HAO1: variants seen among roughly 807,000 people sequenced by gnomAD.
HAO1 encodes the protein hydroxyacid oxidase 1.
Under a neutral mutation model 39.7 loss-of-function variants are expected in HAO1, and 34 were observed. The observed-to-expected ratio is 0.86, with a 90% CI of 0.65 to 1.14. HAO1 has a LOEUF of 1.14. Ranked by LOEUF, HAO1 falls within the 50% of genes most tolerant of loss-of-function variation. The pLI is 0.00. For missense variants in HAO1, 479 were observed against 464.5 expected (o/e 1.03, Z -0.29); for synonymous variants, 172 against 173.2 (o/e 0.99, Z 0.05).
chr20:7,903,369 G>A (rs1024442721), intron 4 of HAO1, among the ~76,000 whole-genome samples: 5 of 151,552 alleles, frequency 3.3e-5, no homozygotes, highest in African/African-American at 1.2e-4. Context: ...AAATATTTGG[G>A]CTATCTACTA....
intron 2 of HAO1, among the ~76,000 whole-genome samples, chr20:7,926,258 T>G (rs2050358859): frequency 6.6e-6 from 1 of 152,186 alleles, no homozygotes; most frequent in African/African-American, 2.4e-5. Flanking sequence ...GAATGAGAAT[T>G]ACTTCACAGG....
intron 3 of HAO1, among the ~76,000 whole-genome samples, chr20:7,911,145 A>T (rs2050277621): frequency 6.6e-6 from 1 of 152,214 alleles, no homozygotes; most frequent in Non-Finnish European, 1.5e-5. Context: ...TGTGAGTGCT[A>T]CGCAGTGAGG....
intron 5 of HAO1, among the ~76,000 whole-genome samples, chr20:7,893,486 T>G (rs2122754541): frequency 6.6e-6 from 1 of 152,288 alleles, no homozygotes; most frequent in Middle Eastern, 3.4e-3. Flanking sequence ...TACAAGATTC[T>G]GAACCTCCCC....
chr20:7,910,317 G>A (rs1250440683), intron 3 of HAO1, among the ~76,000 whole-genome samples: 9 of 152,160 alleles, frequency 5.9e-5, no homozygotes, highest in Admixed American at 4.6e-4. Flanking sequence ...ACCAGCGTTG[G>A]CAAAATTGAG....
intron 2 of HAO1, among the ~76,000 whole-genome samples, chr20:7,924,274 C>T (rs1287589687): frequency 6.6e-6 from 1 of 151,806 alleles, no homozygotes; most frequent in Non-Finnish European, 1.5e-5. Context: ...CTTCCTAGAT[C>T]TCAGATCAGA....
chr20:7,925,711 G>A (rs752837176), intron 2 of HAO1, among the ~76,000 whole-genome samples: 2 of 152,124 alleles, frequency 1.3e-5, no homozygotes, highest in African/African-American at 2.4e-5. Flanking sequence ...ACACATGTGA[G>A]CCTCTGACTT....
intron 5 of HAO1, among the ~76,000 whole-genome samples, chr20:7,887,769 C>A (rs1315330105): frequency 6.6e-6 from 1 of 152,062 alleles, no homozygotes; most frequent in Non-Finnish European, 1.5e-5. Flanking sequence ...CAACCCTGGC[C>A]TAAAAGTAAA....
At chr20:7,884,917 C>G (rs1236294059) in intron 7 of HAO1, among the ~76,000 whole-genome samples, 2 of 152,106 alleles carry the variant, frequency 1.3e-5, no homozygotes, top group Non-Finnish European at 2.9e-5. Context: ...CGTGCCCACC[C>G]ACAATGTCCA....
intron 3 of HAO1, among the ~76,000 whole-genome samples, chr20:7,908,557 G>T (rs1055636079): frequency 6.6e-6 from 1 of 152,000 alleles, no homozygotes; most frequent in African/African-American, 2.4e-5. Context: ...GGCATATATT[G>T]TCATAAAGAT....
intron 5 of HAO1, among the ~76,000 whole-genome samples, chr20:7,891,396 G>GT (rs1049076733): frequency 1.2e-4 from 18 of 151,670 alleles, no homozygotes; most frequent in Middle Eastern, 3.4e-3. Context: ...CAGATTGTTT[G>GT]TTTTTTTTCT....
At chr20:7,917,273 G>A (rs771789755) in intron 2 of HAO1, among the ~76,000 whole-genome samples, 1 of 149,728 alleles carries the variant, frequency 6.7e-6, no homozygotes, top group Non-Finnish European at 1.5e-5. Context: ...CCAGGAGGCG[G>A]AGATTGCAGT....
At position 7,885,536 on chromosome 20, in the gene HAO1, C is replaced by T. The variant is rs1263033898; in HGVS notation, c.1027G>A (p.Ala343Thr). The T allele has an allele frequency of 6.2e-7, 1 of 1,610,184 alleles. No individual in the cohort carries two copies. The highest frequency in any genetic ancestry group is 1.3e-5 in the African/African-American group (1 of 74,864). ...LEILKEEFRLAMALSGCQNVK... is the reference protein window; with the variant it reads ...LEILKEEFRLTMALSGCQNVK... ...TGAGTCTTACCACTCAGAGCCATGG[C>T]CAACCGGAATTCTTCCTTTAGTATC... The change falls in exon 7 of 8, where the codon GCC (alanine) becomes ACC (threonine). Residue 343 changes from alanine (A) to threonine (T), a missense_variant. Physicochemically the swap from Ala to Thr is moderately conservative, Grantham distance 58. Transcript: ENST00000378789.
intron 4 of HAO1, among the ~76,000 whole-genome samples, chr20:7,904,903 T>A (rs575853220): frequency 6.6e-6 from 1 of 152,250 alleles, no homozygotes; most frequent in Non-Finnish European, 1.5e-5. Context: ...GATAACAACA[T>A]GGATGCAAGT....
At position 7,934,547 on chromosome 20, in the gene HAO1, A is replaced by G; in HGVS notation, c.226T>C (p.Cys76Arg). 1.2e-6 allele frequency: 2 copies of G among 1,613,568 alleles called. No individual in the cohort carries two copies. Among genetic ancestry groups the G allele is most frequent in the Non-Finnish European group, 8.5e-7 (1 of 1,179,552 alleles). The change falls in exon 2 of 8, where the codon TGT (cysteine) becomes CGT (arginine). Residue 76 changes from cysteine (C) to arginine (R), a missense_variant. Transcript: ENST00000378789. Reference protein sequence around the residue: ...VLGQRVSMPICVGATAMQRMA... With the variant: ...VLGQRVSMPIRVGATAMQRMA... Reference sequence around the variant, plus strand: ...CGCTGCATGGCCGTAGCCCCCACACATATTGGCATGCTGACCCTCTGTCCT... The same window carrying G: ...CGCTGCATGGCCGTAGCCCCCACACGTATTGGCATGCTGACCCTCTGTCCT...
rs895907298 is a variant in HAO1, at chr20:7,914,413, T to G, written c.296A>C (p.Gln99Pro). 1 of 1,613,096 alleles carries G rather than the reference T, an allele frequency of 6.2e-7. No individual in the cohort carries two copies. The highest frequency in any genetic ancestry group is 1.7e-5 in the Admixed American group (1 of 60,000). The change falls in exon 3 of 8, where the codon CAG becomes CCG. Residue 99 changes from glutamine (Q) to proline (P), a missense_variant. Physicochemically the swap from Gln to Pro is moderately conservative, Grantham distance 76. Coordinates refer to ENST00000378789, the MANE Select transcript of HAO1 (RefSeq NM_017545.3). ...CAACATCATGCCCGTTCCCAGGGACTGACAGGCTGAGAAAGAAAGGGGATG... is the reference window on the plus strand; with the variant it reads ...CAACATCATGCCCGTTCCCAGGGACGGACAGGCTGAGAAAGAAAGGGGATG... Reference protein sequence around the residue: ...DGELATVRACQSLGTGMMLSS... With the variant: ...DGELATVRACPSLGTGMMLSS...
Position 7,885,794 on chromosome 20 carries a change from C to T in HAO1, c.884G>A (p.Arg295Gln), listed in dbSNP as rs777683262. The change falls in exon 6 of 8, where the codon CGG (arginine) becomes CAG (glutamine). Residue 295 changes from arginine to glutamine, a missense_variant. Arg to Gln is a conservative substitution (Grantham distance 43). Transcript: ENST00000378789. ...AGCTTTCAGAACATCAGTGCCTTTC[C>T]GCACACCCCCGTCCAGGAAGACTTC... is the stretch of plus-strand genomic sequence containing the variant. ...KVEVFLDGGV[R>Q]KGTDVLKALA... is the part of the protein sequence containing the mutation. The T allele has an allele frequency of 1.4e-5, 23 of 1,613,238 alleles. No homozygotes were observed. Among genetic ancestry groups the T allele is most frequent in the South Asian group, 4.4e-5 (4 of 91,072 alleles).
At chr20:7,909,385 A>ATG (rs1434229841) in intron 3 of HAO1, among the ~76,000 whole-genome samples, 49 of 112,582 alleles carry the variant, frequency 4.4e-4, no homozygotes, top group Middle Eastern at 5.3e-3. Flanking sequence ...ATATGTATAT[A>ATG]TATATATATA....
chr20:7,925,507 T>G (rs2050355031), intron 2 of HAO1, among the ~76,000 whole-genome samples: 1 of 152,188 alleles, frequency 6.6e-6, no homozygotes, highest in African/African-American at 2.4e-5. Context: ...GACTAAAACA[T>G]TAGCTCTACT....
intron 2 of HAO1, among the ~76,000 whole-genome samples, chr20:7,931,274 G>T (rs1352810624): frequency 6.6e-6 from 1 of 152,126 alleles, no homozygotes; most frequent in Non-Finnish European, 1.5e-5. Context: ...TGTCTATTGT[G>T]TAACTTATCT....
Sources: allele counts gnomAD v4.1 joint callset (sites outside exome capture counted in the v4.1 genomes callset), GRCh38; gene constraint gnomAD v4.1.1; transcripts MANE v1.5; gene names NCBI Gene and HGNC (gene_info 2026-07-23, HGNC 2026-07-21).